NECAB3: variants seen among roughly 807,000 people sequenced by gnomAD.
NECAB3 encodes N-terminal EF-hand calcium-binding protein 3.
Under a neutral mutation model 57.2 loss-of-function variants are expected in NECAB3, and 38 were observed. The observed-to-expected ratio is 0.66, with a 90% CI of 0.51 to 0.87. The LOEUF (loss-of-function observed/expected upper bound fraction) is 0.87. Among genes scored for constraint, NECAB3 ranks in the 40% least tolerant of loss-of-function variants. NECAB3 has a pLI of 0.00. For synonymous variants in NECAB3, 223 were observed against 222.6 expected, an observed-to-expected ratio of 1.00 and a Z score of -0.02; for missense variants, 474 against 527.5, an observed-to-expected ratio of 0.90 and a Z score of 0.99.
In NECAB3 at chr20:33,658,776, TG is replaced by T; in HGVS notation, c.937del (p.His313ThrfsTer80). 6.2e-7 allele frequency: 1 copy of T among 1,613,562 alleles called. No individual in the cohort carries two copies. The highest frequency in any genetic ancestry group is 8.5e-7 in the Non-Finnish European group (1 of 1,179,966). On this transcript the variant is annotated frameshift_variant, in exon 9 of 12. Coordinates refer to ENST00000246190, the MANE Select transcript of NECAB3 (RefSeq NM_031232.4). LOFTEE classifies it high-confidence loss of function. ...QVAEEGLQDF[H>X]RALRCYVDFT... ...GTCCACATAGCAGCGCAGGGCTCGG[TG>T]GAAGTCCTGCAGGCCTTCCTCTGCC...
Position 33,660,319 on chromosome 20 carries a change from G to A in NECAB3, c.464C>T (p.Ala155Val). 1 of 1,613,462 alleles carries A rather than the reference G, an allele frequency of 6.2e-7. No individual in the cohort carries two copies. Among genetic ancestry groups the A allele is most frequent in the Non-Finnish European group, 8.5e-7 (1 of 1,180,010 alleles). The change falls in exon 6 of 12, where the codon GCC (alanine) becomes GTC (valine). Residue 155 changes from alanine to valine, a missense_variant. Physicochemically the swap from Ala to Val is moderately conservative, Grantham distance 64 (BLOSUM62 0). Transcript: ENST00000246190. This position sits in a 1 kb window ranked among gnomAD's most constrained non-coding sequence, Gnocchi z 4.1. Reference protein sequence around the residue: ...LLRETVSQLQALQSSLEGASD... With the variant: ...LLRETVSQLQVLQSSLEGASD... ...CGCCCCCTCCAGCGAGCTCTGAAGG[G>A]CTTGCAGCTGGCTCACCGTCTCCCG...
chr20:33,659,938 GCTCGGCGTC>G lies in NECAB3; in HGVS notation c.581_589del (p.Gly194_Arg196del). The G allele has an allele frequency of 6.4e-7, 1 of 1,551,700 alleles. No homozygotes were observed. The highest frequency in any genetic ancestry group is 8.7e-7 in the Non-Finnish European group (1 of 1,150,106). On this transcript the variant is annotated inframe_deletion, in exon 7 of 12. Coordinates refer to ENST00000246190, the MANE Select transcript of NECAB3 (RefSeq NM_031232.4). The stretch of plus-strand genomic sequence containing the variant: ...GGATGACCGGCTGACACTCCTCAGG[GCTCGGCGTC>G]CTGCCCGCCGGCTGCCGCAGAGCCT...
intron 3 of NECAB3, 174 bp downstream of exon 3, chr20:33,670,510 C>T: frequency 1.9e-6 from 1 of 523,146 alleles, no homozygotes; most frequent in African/African-American, 2.0e-5. Flanking sequence ...GTGTAGTGGG[C>T]AAGGCTGTAG....
intron 5 of NECAB3, among the ~76,000 whole-genome samples, chr20:33,662,945 A>G (rs2017527768): frequency 6.6e-6 from 1 of 152,164 alleles, no homozygotes; most frequent in Non-Finnish European, 1.5e-5. Flanking sequence ...TCAGTCTTAA[A>G]CAAAAAAAGC....
intron 5 of NECAB3, chr20:33,665,143 T>C (rs2017609459): frequency 1.3e-5 from 2 of 152,236 alleles, no homozygotes; most frequent in Non-Finnish European, 1.5e-5. Flanking sequence ...CCATGTTCTC[T>C]ACTTGAACAT....
Position 33,659,974 on chromosome 20 carries a change from C to T in NECAB3, c.554G>A (p.Ser185Asn). Residue 185 changes from serine to asparagine, a missense_variant, in exon 7 of 12, where the codon AGC becomes AAC. Coordinates refer to ENST00000246190, the MANE Select transcript of NECAB3 (RefSeq NM_031232.4). ...RSDAESVEAQSRLCGSRRAGR... is the reference protein window; with the variant it reads ...RSDAESVEAQNRLCGSRRAGR... Reference sequence around the variant, plus strand: ...TGCCCGCCGGCTGCCGCAGAGCCTGCTCTGCGCCTCCACGCTCTCTGCATC... The same window carrying T: ...TGCCCGCCGGCTGCCGCAGAGCCTGTTCTGCGCCTCCACGCTCTCTGCATC... 4 of 1,566,356 alleles carry T rather than the reference C, an allele frequency of 2.6e-6. No homozygotes were observed. The South Asian group carries it at 4.6e-5, about 18-fold the overall frequency.
chr20:33,660,193 A>T lies in NECAB3; in HGVS notation c.524+66T>A. ...GCTCCAGGATGCTGGGACTGTGGGG[A>T]TTTGGAATGGGGGTACAATGGGCGC... On this transcript the variant is annotated intron_variant, in intron 6 of 11. Transcript: ENST00000246190. This position sits in a 1 kb window ranked among gnomAD's most constrained non-coding sequence, Gnocchi z 4.1. 2 of 1,578,746 alleles carry T rather than the reference A, an allele frequency of 1.3e-6. No individual in the cohort carries two copies. Among genetic ancestry groups the T allele is most frequent in the Admixed American group, 3.5e-5 (2 of 57,838 alleles).
intron 5 of NECAB3, chr20:33,668,026 G>A (rs771543260): frequency 1.9e-6 from 3 of 1,543,834 alleles, no homozygotes; most frequent in Non-Finnish European, 2.6e-6. Context: ...TGGCTTCGCC[G>A]AGCGCCTGGA....
At chr20:33,667,944 G>A (rs1333582521) in intron 5 of NECAB3, 1 of 1,554,698 alleles carries the variant, frequency 6.4e-7, no homozygotes, top group South Asian at 1.2e-5. Context: ...GGGCGCTGCA[G>A]AAGATGCCCA....
At chr20:33,668,069 G>C in intron 5 of NECAB3, 1 of 1,576,794 alleles carries the variant, frequency 6.3e-7, no homozygotes, top group Non-Finnish European at 8.6e-7. Context: ...CGGCGGCACG[G>C]CTACGCGGCC....
Position 33,658,557 on chromosome 20 carries a change from G to A in NECAB3, c.993-3C>T, listed in dbSNP as rs973788593. The A allele has an allele frequency of 1.2e-6, 2 of 1,614,048 alleles. No individual in the cohort carries two copies. Among genetic ancestry groups the A allele is most frequent in the Non-Finnish European group, 1.7e-6 (2 of 1,179,976 alleles). On this transcript the variant is annotated splice_polypyrimidine_tract_variant and splice_region_variant and intron_variant, in intron 9 of 11. Coordinates refer to ENST00000246190, the MANE Select transcript of NECAB3 (RefSeq NM_031232.4). ...CCAGCATCTTCTGGGCGGACACACT[G>A]TAGGGCCAAAGAGATGGGCAGGCCA...
Position 33,660,674 on chromosome 20 carries a change from C to T in NECAB3, c.388-279G>A, listed in dbSNP as rs1470979641. Among the ~76,000 whole-genome samples the T allele has an allele frequency of 2.0e-5, 3 of 152,200 alleles. No individual in the cohort carries two copies. In the East Asian group the frequency reaches 5.8e-4, roughly 29 times the overall value. ...CTCTCTGGACCTCATGGCCCCTTCC[C>T]TGATGGGGCTACCACCTTCAGCACT... On this transcript the variant is annotated intron_variant, in intron 5 of 11. Transcript: ENST00000246190. The surrounding 1 kb of genome is among the most constrained non-coding windows in gnomAD (Gnocchi z 4.1).
At chr20:33,667,205 G>A in intron 5 of NECAB3, 1 of 321,940 alleles carries the variant, frequency 3.1e-6, no homozygotes, top group African/African-American at 2.2e-5. Context: ...AACCAGCCGC[G>A]CATAGTGCTG....
chr20:33,672,027 T>G, intron 2 of NECAB3: 1 of 296,090 alleles, frequency 3.4e-6, no homozygotes, highest in South Asian at 4.3e-5. Flanking sequence ...CTGTGTGACC[T>G]TAGGCAACTT....
chr20:33,659,446 G>A (rs2017386623), intron 8 of NECAB3, 51 bp downstream of exon 8: 3 of 1,405,346 alleles, frequency 2.1e-6, no homozygotes, highest in East Asian at 5.1e-5. Context: ...CCCAATTCAT[G>A]AGCACCCCCA....
At chr20:33,663,661 G>C (rs774872819) in intron 5 of NECAB3, 4 of 1,584,320 alleles carry the variant, frequency 2.5e-6, no homozygotes, top group African/African-American at 1.4e-5. Flanking sequence ...AGCGGGCGAA[G>C]GTAGCGAGCG....
At chr20:33,668,978 G>A (rs964130878) in intron 5 of NECAB3, among the ~76,000 whole-genome samples, 2 of 152,218 alleles carry the variant, frequency 1.3e-5, no homozygotes, top group Non-Finnish European at 2.9e-5. Context: ...CTGTGAACCT[G>A]TGAGCACAGC....
intron 5 of NECAB3, chr20:33,664,164 G>C (rs1283923626): frequency 2.6e-6 from 1 of 377,964 alleles, no homozygotes; most frequent in Admixed American, 4.8e-5. Context: ...TGCCCAGTCT[G>C]CAGGCTCAAG....
chr20:33,665,837 C>T (rs2017630697), intron 5 of NECAB3, among the ~76,000 whole-genome samples: 1 of 152,174 alleles, frequency 6.6e-6, no homozygotes, highest in Non-Finnish European at 1.5e-5. Flanking sequence ...AATCCTAGCA[C>T]TTTGGGAGTC....
Sources: gnomAD v4.1 joint callset for allele counts (sites outside exome capture counted in the v4.1 genomes callset) on GRCh38, gnomAD v4.1.1 for gene constraint, Gnocchi (gnomAD v3.1) non-coding constraint, MANE v1.5 for transcripts, NCBI Gene and HGNC (gene_info 2026-07-23, HGNC 2026-07-21) for gene names.